The following GPC6 variants were observed in gnomAD, a reference collection of about 807,000 sequenced individuals.
GPC6 encodes glypican-6.
Under a neutral mutation model 55.2 loss-of-function variants are expected in GPC6, and 14 were observed. That is an observed-to-expected ratio of 0.25 (90% CI 0.17 to 0.40). The LOEUF (loss-of-function observed/expected upper bound fraction) is 0.40, where lower values mean the gene tolerates loss of function less well. Among genes scored for constraint, GPC6 ranks in the 10% least tolerant of loss-of-function variants. The pLI is 1.00. For missense variants in GPC6, 641 were observed against 708.5 expected (o/e 0.90, Z 1.08); for synonymous variants, 278 against 259.6 (o/e 1.07, Z -0.68).
At chr13:93,545,737 G>T (rs763249187) in intron 2 of GPC6, among the ~76,000 whole-genome samples, 3 of 152,108 alleles carry the variant, frequency 2.0e-5, no homozygotes, top group Non-Finnish European at 4.4e-5. Context: ...ACTGCAGCTT[G>T]TCTAGTTTTC....
At chr13:94,283,953 C>G (rs1892457787) in intron 4 of GPC6, among the ~76,000 whole-genome samples, 2 of 152,214 alleles carry the variant, frequency 1.3e-5, no homozygotes, top group Admixed American at 1.3e-4. Context: ...AACTTACCAA[C>G]TACTGCCTTG....
chr13:94,049,114 G>T (rs978591273), intron 4 of GPC6, among the ~76,000 whole-genome samples: 1 of 151,956 alleles, frequency 6.6e-6, no homozygotes, highest in African/African-American at 2.4e-5. Context: ...TCAGCTAAGC[G>T]TGACAGCCTG....
chr13:93,439,690 TAAAAA>T (rs11326410), intron 1 of GPC6, among the ~76,000 whole-genome samples: 4 of 144,534 alleles, frequency 2.8e-5, no homozygotes, highest in African/African-American at 5.3e-5. Context: ...ATAAAATAAA[TAAAAA>T]AAATAAAATA....
At chr13:93,703,634 AC>A (rs1198540223) in intron 2 of GPC6, among the ~76,000 whole-genome samples, 3 of 151,882 alleles carry the variant, frequency 2.0e-5, no homozygotes, top group South Asian at 2.1e-4. Context: ...ATTTTAGTCC[AC>A]CCCCCGCCCC....
intron 1 of GPC6, among the ~76,000 whole-genome samples, chr13:93,519,058 C>T (rs968063653): frequency 7.9e-5 from 12 of 151,858 alleles, no homozygotes; most frequent in South Asian, 4.1e-4. Context: ...TCTTATGTAC[C>T]GCAAAGACTG....
chr13:93,313,484 C>T (rs1234905909), intron 1 of GPC6, among the ~76,000 whole-genome samples: 1 of 152,020 alleles, frequency 6.6e-6, no homozygotes, highest in Admixed American at 6.6e-5. Flanking sequence ...AGCAGCATAG[C>T]CTTTAGCCCA....
intron 6 of GPC6, among the ~76,000 whole-genome samples, chr13:94,319,085 A>G (rs952310893): frequency 6.6e-6 from 1 of 152,032 alleles, no homozygotes; most frequent in Non-Finnish European, 1.5e-5. Flanking sequence ...AGAAATATTG[A>G]TATTTATTTC....
chr13:94,303,254 A>T (rs1347055885), intron 5 of GPC6, among the ~76,000 whole-genome samples: 2 of 152,178 alleles, frequency 1.3e-5, no homozygotes, highest in African/African-American at 2.4e-5. Context: ...TATCCCGATC[A>T]TTGTCCCTCC....
rs56025007 is a variant in GPC6 at position 94,312,718 on chromosome 13, A to ACGCGCACG, written c.1152+6598_1152+6599insGCACGCGC. On this transcript the variant is annotated intron_variant, in intron 6 of 8. Transcript: ENST00000377047. ...CACGAAGACACACACGCACACGCGC[A>ACGCGCACG]CGCACACACACACACACACACACAT... Among the ~76,000 whole-genome samples the ACGCGCACG allele has an allele frequency of 3.5e-5, 5 of 143,436 alleles. No individual in the cohort carries two copies. In the South Asian group the frequency reaches 1.1e-3, roughly 30 times the overall value. 94.1% of individuals were successfully genotyped at this position (143,436 alleles called of 152,430 possible).
At chr13:93,902,057 T>C (rs1045941473) in intron 3 of GPC6, among the ~76,000 whole-genome samples, 1 of 152,188 alleles carries the variant, frequency 6.6e-6, no homozygotes, top group Admixed American at 6.5e-5. Context: ...ATAATTTCCT[T>C]GTGATGAGAA....
intron 3 of GPC6, among the ~76,000 whole-genome samples, chr13:93,907,359 A>C (rs1876726536): frequency 6.6e-6 from 1 of 152,174 alleles, no homozygotes; most frequent in African/African-American, 2.4e-5. Flanking sequence ...AATGGGATAC[A>C]TTATAGTTTT....
At chr13:93,324,609 TATAA>T (rs1410556214) in intron 1 of GPC6, among the ~76,000 whole-genome samples, 1 of 86,606 alleles carries the variant, frequency 1.2e-5, no homozygotes, top group African/African-American at 4.2e-5. Context: ...TATATATATA[TATAA>T]AATCTCTGAG....
chr13:93,504,414 C>G (rs974029392), intron 1 of GPC6, among the ~76,000 whole-genome samples: 2 of 151,732 alleles, frequency 1.3e-5, no homozygotes, highest in African/African-American at 4.8e-5. Context: ...CCCTTCTCCC[C>G]ACTTCTGTAT....
At chr13:93,795,370 CATT>C (rs1315922465) in intron 2 of GPC6, among the ~76,000 whole-genome samples, 3 of 152,180 alleles carry the variant, frequency 2.0e-5, no homozygotes, top group East Asian at 1.9e-4. Context: ...GTTCAACAAA[CATT>C]ATCAATTTGT....
At chr13:94,068,445 C>T (rs1884613704) in intron 4 of GPC6, among the ~76,000 whole-genome samples, 3 of 152,226 alleles carry the variant, frequency 2.0e-5, no homozygotes, top group Admixed American at 2.0e-4. Context: ...CCACCCCTGG[C>T]TCCTCTCAAC....
At chr13:93,850,940 G>A (rs867573807) in intron 3 of GPC6, among the ~76,000 whole-genome samples, 2 of 152,032 alleles carry the variant, frequency 1.3e-5, no homozygotes, top group South Asian at 2.1e-4. Context: ...ATTTAGATCT[G>A]CCTTGGAAGG....
chr13:93,420,495 G>C (rs1876885765), intron 1 of GPC6, among the ~76,000 whole-genome samples: 2 of 152,110 alleles, frequency 1.3e-5, no homozygotes, highest in South Asian at 4.1e-4. Context: ...AAAAAGAGTG[G>C]GAATGAGGTG....
intron 4 of GPC6, among the ~76,000 whole-genome samples, chr13:94,051,023 T>C (rs1385444184): frequency 1.3e-5 from 2 of 152,148 alleles, no homozygotes; most frequent in African/African-American, 2.4e-5. Flanking sequence ...CATTGACAGA[T>C]GGCAAAAGAT....
At chr13:94,039,011 C>T (rs1883435505) in intron 4 of GPC6, among the ~76,000 whole-genome samples, 1 of 151,908 alleles carries the variant, frequency 6.6e-6, no homozygotes, top group African/African-American at 2.4e-5. Context: ...CCCATCCCAG[C>T]AGAGATGGCC....
Sources: allele counts gnomAD v4.1 joint callset (sites outside exome capture counted in the v4.1 genomes callset), GRCh38; gene constraint gnomAD v4.1.1; transcripts MANE v1.5; gene names NCBI Gene and HGNC (gene_info 2026-07-23, HGNC 2026-07-21).